The following CCM2L variants were observed in gnomAD, a reference collection of about 807,000 sequenced individuals.
CCM2L encodes cerebral cavernous malformations 2 protein-like.
CCM2L carries 36 observed loss-of-function variants against 54.1 expected under a neutral mutation model. The ratio of observed to expected loss-of-function variants is 0.67; its 90% CI spans 0.51 to 0.88. The LOEUF (loss-of-function observed/expected upper bound fraction) is 0.88. CCM2L is among the 40% of genes least tolerant of loss of function. The pLI is 0.00. For missense variants in CCM2L, 700 were observed against 812.1 expected (o/e 0.86, Z 1.68); for synonymous variants, 351 against 359.3 (o/e 0.98, Z 0.26).
rs971388811 is a variant in CCM2L at position 32,019,200 on chromosome 20, A to G, written c.724A>G (p.Thr242Ala). The G allele has an allele frequency of 2.6e-6, 3 of 1,134,356 alleles. No individual in the cohort carries two copies. The highest frequency in any genetic ancestry group is 3.3e-6 in the Non-Finnish European group (3 of 911,564). 70.3% of individuals were successfully genotyped at this position (1,134,356 alleles called of 1,614,324 possible). A position where few individuals can be genotyped will look rare whatever the true frequency, so the allele number is the denominator to read the frequency against. ...GTCGGGCAGCTGGGAGCGACGGCAG[A>G]CGTTCAGCGGCAGCTGGGAGCGGCG... ...RASGSWERRQ[T>A]FSGSWERRHG... Residue 242 changes from threonine (T) to alanine (A), a missense_variant, in exon 5 of 10, where the codon ACG becomes GCG. Coordinates refer to ENST00000452892, the MANE Select transcript of CCM2L (RefSeq NM_001365692.1).
Position 32,017,824 on chromosome 20 carries a change from AC to A in CCM2L, c.224del (p.Thr75IlefsTer4), listed in dbSNP as rs1239529072. On this transcript the variant is annotated frameshift_variant, in exon 3 of 10. Transcript: ENST00000452892. LOFTEE classifies it high-confidence loss of function. ...GTTCCTGGGCCACCTTACCTGGGTG[AC>A]TTCCTCACTGAACCCCTCCAGTCGG... is the stretch of plus-strand genomic sequence containing the variant. ...VKFLGHLTWV[T>X]SSLNPSSRDE... The A allele has an allele frequency of 9.9e-6, 16 of 1,613,866 alleles. No individual in the cohort carries two copies. The highest frequency in any genetic ancestry group is 1.4e-5 in the Non-Finnish European group (16 of 1,180,002).
intron 5 of CCM2L, among the ~76,000 whole-genome samples, chr20:32,021,643 T>C (rs2064808228): frequency 6.6e-6 from 1 of 151,102 alleles, no homozygotes; most frequent in East Asian, 1.9e-4. Context: ...TGACTCTATC[T>C]CAAAAAAAAA....
At position 32,028,999 on chromosome 20, in the gene CCM2L, G is replaced by A; in HGVS notation, c.1138G>A (p.Gly380Ser). 1 of 1,614,124 alleles carries A rather than the reference G, an allele frequency of 6.2e-7. No individual in the cohort carries two copies. Among genetic ancestry groups the A allele is most frequent in the Non-Finnish European group, 8.5e-7 (1 of 1,180,008 alleles). Residue 380 changes from glycine to serine, a missense_variant, in exon 8 of 10, where the codon GGC (glycine) becomes AGC (serine). Coordinates refer to ENST00000452892, the MANE Select transcript of CCM2L (RefSeq NM_001365692.1). ...CCCTTCTTCCCGTGCCTGCAGTAAT[G>A]GCTCCCAGGACACCTTTGAAGCATG... ...ADFSCCSSFN[G>S]SQDTFEACYS...
At position 32,022,577 on chromosome 20, in the gene CCM2L, T is replaced by C. The variant is rs922530405; in HGVS notation, c.934-83T>C. On this transcript the variant is annotated intron_variant, in intron 5 of 9. Coordinates refer to ENST00000452892, the MANE Select transcript of CCM2L (RefSeq NM_001365692.1). ...CTATAGGTGTGTATCTTTGTGCGCA[T>C]CTTCACACACTGTTTTAGGAAGCAG... 2.6e-5 allele frequency: 40 copies of C among 1,520,744 alleles called. No homozygotes were observed. In the African/African-American group the frequency reaches 5.5e-4, roughly 21 times the overall value. 94.2% of individuals were successfully genotyped at this position (1,520,744 alleles called of 1,614,324 possible).
Position 32,019,028 on chromosome 20 carries a change from C to T in CCM2L, c.552C>T (p.Pro184=), listed in dbSNP as rs890773980. ...ACCCCGGCCCGCCAGGCGGGGCGCC[C>T]GAGAAGCGGCGGGTGGGCACCGCGG... The part of the protein sequence containing the change: ...GRDPGPPGGA[P]EKRRVGTAER... The change falls in exon 5 of 10, where the codon CCC becomes CCT. Residue 184 remains proline (P), a synonymous_variant. Transcript: ENST00000452892. 63 of 1,323,208 alleles carry T rather than the reference C, an allele frequency of 4.8e-5. No homozygotes were observed. The African/African-American group carries it at 9.1e-4, about 19-fold the overall frequency. 82.0% of individuals were successfully genotyped at this position (1,323,208 alleles called of 1,614,324 possible).
Position 32,022,672 on chromosome 20 carries a change from G to A in CCM2L, c.946G>A (p.Glu316Lys). 1 of 1,614,144 alleles carries A rather than the reference G, an allele frequency of 6.2e-7. No individual in the cohort carries two copies. Among genetic ancestry groups the A allele is most frequent in the Non-Finnish European group, 8.5e-7 (1 of 1,180,008 alleles). The change falls in exon 6 of 10, where the codon GAG (glutamate) becomes AAG (lysine). Residue 316 changes from glutamate to lysine, a missense_variant. By Grantham distance (56) the Glu-to-Lys change is moderately conservative. Transcript: ENST00000452892. ...LAVANRDAAE[E>K]SCALICQVFQ... ...CTCCCTGGGCCAGGACGCTGCAGAGGAGTCCTGCGCACTCATCTGTCAGGT... is the reference window on the plus strand; with the variant it reads ...CTCCCTGGGCCAGGACGCTGCAGAGAAGTCCTGCGCACTCATCTGTCAGGT...
In CCM2L at chr20:32,018,988, G is replaced by A. The variant is rs1233289143; in HGVS notation, c.512G>A (p.Gly171Asp). 1 of 1,399,626 alleles carries A rather than the reference G, an allele frequency of 7.1e-7. No homozygotes were observed. The highest frequency in any genetic ancestry group is 3.1e-5 in the Admixed American group (1 of 31,912). 86.7% of individuals were successfully genotyped at this position (1,399,626 alleles called of 1,614,324 possible). A position where few individuals can be genotyped will look rare whatever the true frequency, so the allele number is the denominator to read the frequency against. Residue 171 changes from glycine to aspartate, a missense_variant, in exon 5 of 10, where the codon GGC (glycine) becomes GAC (aspartate). Coordinates refer to ENST00000452892, the MANE Select transcript of CCM2L (RefSeq NM_001365692.1). ...PVPAGVDASPGGAGRDPGPPG... is the reference protein window; with the variant it reads ...PVPAGVDASPDGAGRDPGPPG... ...CCGGCCGGCGTGGATGCCAGCCCAG[G>A]CGGCGCAGGACGCGACCCCGGCCCG... is the stretch of plus-strand genomic sequence containing the variant.
chr20:32,022,547 G>A, intron 5 of CCM2L, 113 bp from the exon 6 acceptor site: 5 of 1,201,884 alleles, frequency 4.2e-6, no homozygotes, highest in Non-Finnish European at 4.5e-6. Flanking sequence ...CCAATTTAAA[G>A]GGCTCTATAG....
chr20:32,022,821 C>A (rs999328554), intron 6 of CCM2L, 26 bp downstream of exon 6: 7 of 1,610,474 alleles, frequency 4.3e-6, no homozygotes, highest in Non-Finnish European at 5.9e-6. Context: ...CCTGGCCTCC[C>A]CTCCTGTGAA....
At chr20:32,025,210 T>C (rs2064846232) in intron 6 of CCM2L, among the ~76,000 whole-genome samples, 1 of 151,664 alleles carries the variant, frequency 6.6e-6, no homozygotes, top group South Asian at 2.1e-4. Flanking sequence ...TCTTTCTTTC[T>C]TTTTTCCTTT....
chr20:32,029,235 G>A (rs2064895728), intron 8 of CCM2L, 111 bp downstream of exon 8: 1 of 1,469,508 alleles, frequency 6.8e-7, no homozygotes, highest in Non-Finnish European at 9.4e-7. Flanking sequence ...AGACATCAGA[G>A]GTCAGAGCAG....
chr20:32,011,376 G>T (rs779573329), intron 1 of CCM2L, among the ~76,000 whole-genome samples: 27 of 152,056 alleles, frequency 1.8e-4, no homozygotes, highest in African/African-American at 5.8e-4. Context: ...AGGCCGAGGC[G>T]GGTGGATCAC....
intron 1 of CCM2L, among the ~76,000 whole-genome samples, chr20:32,013,285 C>A (rs1230589532): frequency 6.6e-6 from 1 of 152,178 alleles, no homozygotes; most frequent in Non-Finnish European, 1.5e-5. Flanking sequence ...GGCAACAGAG[C>A]AACATCCTAT....
rs778766984 is a variant in CCM2L at position 32,017,886 on chromosome 20, G to A, written c.282+3G>A. 7 of 1,613,862 alleles carry A rather than the reference G, an allele frequency of 4.3e-6. No homozygotes were observed. The Admixed American group carries it at 5.0e-5, about 12-fold the overall frequency. The stretch of plus-strand genomic sequence containing the variant: ...TGCAGCTGCTAGACACCGCCAGGGT[G>A]AGACTCTGGGGAGGGAGGAGGGCAG... On this transcript the variant is annotated splice_donor_region_variant and intron_variant, in intron 3 of 9. Coordinates refer to ENST00000452892, the MANE Select transcript of CCM2L (RefSeq NM_001365692.1).
At position 32,016,657 on chromosome 20, in the gene CCM2L, C is replaced by A. The variant is rs374126477; in HGVS notation, c.199-1143C>A. Among the ~76,000 whole-genome samples the A allele has an allele frequency of 9.2e-5, 14 of 152,114 alleles. No individual in the cohort carries two copies. In the East Asian group the frequency reaches 2.7e-3, roughly 30 times the overall value. On this transcript the variant is annotated intron_variant, in intron 2 of 9. Coordinates refer to ENST00000452892, the MANE Select transcript of CCM2L (RefSeq NM_001365692.1). ...GGCGACAGTGCGAGACTCCAGCCCC[C>A]CCACGCCCGCCAAAAATTGTTGTTT...
intron 1 of CCM2L, among the ~76,000 whole-genome samples, chr20:32,014,450 G>C (rs1314476942): frequency 1.3e-5 from 2 of 151,900 alleles, no homozygotes; most frequent in African/African-American, 2.4e-5. Context: ...AATTTTAGTA[G>C]AGTCAGGGTT....
At position 32,018,098 on chromosome 20, in the gene CCM2L, G is replaced by T. The variant is rs1487743352; in HGVS notation, c.402G>T (p.Thr134=). 3.4e-5 allele frequency: 55 copies of T among 1,611,660 alleles called. No homozygotes were observed. The highest frequency in any genetic ancestry group is 4.7e-5 in the Non-Finnish European group (55 of 1,179,628). ...AAGAGCTCATTCTGCGAATCCCTACGCACGAGATCGCCGCCGCCTCCTACC... is the reference window on the plus strand; with the variant it reads ...AAGAGCTCATTCTGCGAATCCCTACTCACGAGATCGCCGCCGCCTCCTACC... ...DNEELILRIP[T]HEIAAASYLQ... Residue 134 remains threonine, a synonymous_variant, in exon 4 of 10, where the codon ACG becomes ACT. Transcript: ENST00000452892.
Position 32,014,887 on chromosome 20 carries a change from C to G in CCM2L, c.31-17C>G. 6.3e-7 allele frequency: 1 copy of G among 1,582,496 alleles called. No individual in the cohort carries two copies. ...AGCAGCCACTGTTATCACTCTCATTCCTCCTCTCCTCCCCAGGGCTTTGTA... is the reference window on the plus strand; with the variant it reads ...AGCAGCCACTGTTATCACTCTCATTGCTCCTCTCCTCCCCAGGGCTTTGTA... On this transcript the variant is annotated splice_polypyrimidine_tract_variant and intron_variant, in intron 1 of 9. Transcript: ENST00000452892.
rs867616586 is a variant in CCM2L at position 32,031,103 on chromosome 20, G to A, written c.1505G>A (p.Arg502His). The change falls in exon 10 of 10, where the codon CGC (arginine) becomes CAC (histidine). Residue 502 changes from arginine to histidine, a missense_variant. Arg to His is a conservative substitution (Grantham distance 29). Transcript: ENST00000452892. The stretch of plus-strand genomic sequence containing the variant: ...GGCATCCTCACTGACAGCTTCGGCC[G>A]CATCAAGCGCAGCATGAGCTCCACG... ...EGGILTDSFG[R>H]IKRSMSSTSA... 7.7e-7 allele frequency: 1 copy of A among 1,304,218 alleles called. No individual in the cohort carries two copies. Among genetic ancestry groups the A allele is most frequent in the Admixed American group, 2.3e-5 (1 of 43,572 alleles). 80.8% of individuals were successfully genotyped at this position (1,304,218 alleles called of 1,614,324 possible). A position where few individuals can be genotyped will look rare whatever the true frequency, so the allele number is the denominator to read the frequency against.
Sources: allele counts gnomAD v4.1 joint callset (sites outside exome capture counted in the v4.1 genomes callset), GRCh38; gene constraint gnomAD v4.1.1; transcripts MANE v1.5; gene names NCBI Gene and HGNC (gene_info 2026-07-23, HGNC 2026-07-21).